Variants in NCKIPSD observed in about 807,000 individuals in gnomAD.
NCKIPSD encodes the protein NCK-interacting protein with SH3 domain.
NCKIPSD carries 48 observed loss-of-function variants against 73.4 expected under a neutral mutation model. The observed-to-expected ratio is 0.65, with a 90% CI of 0.52 to 0.83. The LOEUF (loss-of-function observed/expected upper bound fraction) is 0.83, where lower values mean the gene tolerates loss of function less well. Among genes scored for constraint, NCKIPSD ranks in the 40% least tolerant of loss-of-function variants. NCKIPSD has a pLI of 0.00. For missense variants in NCKIPSD, 884 were observed against 970.2 expected (o/e 0.91, Z 1.18); for synonymous variants, 422 against 403.6 (o/e 1.05, Z -0.54).
rs764823056 is a variant in NCKIPSD at position 48,682,115 on chromosome 3, T to A, written c.528A>T (p.Arg176=). The A allele has an allele frequency of 1.9e-6, 3 of 1,600,838 alleles. No individual in the cohort carries two copies. Among genetic ancestry groups the A allele is most frequent in the Non-Finnish European group, 2.5e-6 (3 of 1,179,750 alleles). Residue 176 remains arginine (R), a synonymous_variant, in exon 4 of 13, where the codon CGA becomes CGT. Transcript: ENST00000294129. ...PSSQIPPQPR[R]AAPTTPPPPV... is the part of the protein sequence containing the mutation. ...GTGGGGGCGGTGTGGTGGGTGCTGC[T>A]CGGCGAGGCTGTGGTGGGATCTGGG...
chr3:48,682,336 C>T lies in NCKIPSD; in HGVS notation c.486+12G>A, dbSNP rs1414298984. ...ACCCACCTCCCTTCTCCACGATGTCCTCCCCACACACCTGGTAGAGGCCTC... is the reference window on the plus strand; with the variant it reads ...ACCCACCTCCCTTCTCCACGATGTCTTCCCCACACACCTGGTAGAGGCCTC... On this transcript the variant is annotated intron_variant, in intron 3 of 12. Transcript: ENST00000294129. 2 of 1,613,628 alleles carry T rather than the reference C, an allele frequency of 1.2e-6. No homozygotes were observed. The highest frequency in any genetic ancestry group is 2.2e-5 in the East Asian group (1 of 44,842).
intron 11 of NCKIPSD, 35 bp downstream of exon 11, chr3:48,678,841 TG>T: frequency 3.1e-6 from 5 of 1,613,690 alleles, no homozygotes; most frequent in Non-Finnish European, 4.2e-6. Flanking sequence ...TCACAGGGCA[TG>T]GAAGTGGTAC....
In NCKIPSD at chr3:48,680,244, C is replaced by T. The variant is rs2077329233; in HGVS notation, c.1093-15G>A. On this transcript the variant is annotated splice_polypyrimidine_tract_variant and intron_variant, in intron 5 of 12. Coordinates refer to ENST00000294129, the MANE Select transcript of NCKIPSD (RefSeq NM_016453.4). ...ATGCTGAGGTCCTAGAGGGAGAGGGCAAGGCATGACTCAGCACACTCCCTG... is the reference window on the plus strand; with the variant it reads ...ATGCTGAGGTCCTAGAGGGAGAGGGTAAGGCATGACTCAGCACACTCCCTG... 4 of 1,594,216 alleles carry T rather than the reference C, an allele frequency of 2.5e-6. No individual in the cohort carries two copies. The highest frequency in any genetic ancestry group is 3.4e-6 in the Non-Finnish European group (4 of 1,168,338).
rs1201616057 is a variant in NCKIPSD, at chr3:48,685,698, G to A, written c.110C>T (p.Ala37Val). Residue 37 changes from alanine (A) to valine (V), a missense_variant, in exon 1 of 13, where the codon GCC (alanine) becomes GTC (valine). Transcript: ENST00000294129. ...LERSSAHWWL[A>V]ARARSGETGY... ...CGTCTCACCACTGCGCGCCCGCGCGGCCAGCCACCAGTGCGCGCTGCTTCG... is the reference window on the plus strand; with the variant it reads ...CGTCTCACCACTGCGCGCCCGCGCGACCAGCCACCAGTGCGCGCTGCTTCG... 1.6e-5 allele frequency: 25 copies of A among 1,526,630 alleles called. No homozygotes were observed. Among genetic ancestry groups the A allele is most frequent in the Non-Finnish European group, 1.9e-5 (22 of 1,143,072 alleles). The allele number at this position is 1,526,630 out of a possible 1,614,324, so 94.6% of individuals were successfully genotyped here.
At position 48,681,564 on chromosome 3, in the gene NCKIPSD, G is replaced by T. The variant is rs760636976; in HGVS notation, c.815C>A (p.Ala272Glu). The T allele has an allele frequency of 1.2e-6, 2 of 1,614,056 alleles. No homozygotes were observed. Among genetic ancestry groups the T allele is most frequent in the Non-Finnish European group, 1.7e-6 (2 of 1,180,038 alleles). The change falls in exon 5 of 13, where the codon GCA becomes GAA. Residue 272 changes from alanine to glutamate, a missense_variant. Ala to Glu is a moderately radical substitution (Grantham distance 107). Transcript: ENST00000294129. ...PSKASAPEPP[A>E]EEEVATGTTS... ...TGTACCAGTTGCCACTTCTTCTTCTGCAGGGGGTTCAGGTGCTGATGCCTT... is the reference window on the plus strand; with the variant it reads ...TGTACCAGTTGCCACTTCTTCTTCTTCAGGGGGTTCAGGTGCTGATGCCTT...
chr3:48,685,776 G>A lies in NCKIPSD; in HGVS notation c.32C>T (p.Ala11Val). The A allele has an allele frequency of 1.3e-6, 2 of 1,530,980 alleles. No individual in the cohort carries two copies. The highest frequency in any genetic ancestry group is 1.2e-5 in the South Asian group (1 of 83,182). The allele number at this position is 1,530,980 out of a possible 1,614,324, so 94.8% of individuals were successfully genotyped here. A position where few individuals can be genotyped will look rare whatever the true frequency, so the allele number is the denominator to read the frequency against. Residue 11 changes from alanine to valine, a missense_variant, in exon 1 of 13, where the codon GCG (alanine) becomes GTG (valine). Coordinates refer to ENST00000294129, the MANE Select transcript of NCKIPSD (RefSeq NM_016453.4). MYRALYAFRS[A>V]EPNALAFAAG... The stretch of plus-strand genomic sequence containing the variant: ...GGCGAACGCCAGCGCGTTGGGCTCC[G>A]CCGAGCGGAACGCGTACAGCGCGCG...
rs1321118483 is a variant in NCKIPSD, at chr3:48,680,331, T to G, written c.1093-102A>C. On this transcript the variant is annotated intron_variant, in intron 5 of 12. Coordinates refer to ENST00000294129, the MANE Select transcript of NCKIPSD (RefSeq NM_016453.4). The stretch of plus-strand genomic sequence containing the variant: ...AGTCCATCTGTGGACTTTTACTCCA[T>G]GAACTCAAGTCCCTCCTGGCCCACA... The G allele has an allele frequency of 2.3e-6, 3 of 1,305,650 alleles. No homozygotes were observed. The Admixed American group carries it at 8.7e-5, about 38-fold the overall frequency. The allele number at this position is 1,305,650 out of a possible 1,614,324, so 80.9% of individuals were successfully genotyped here.
intron 2 of NCKIPSD, 122 bp from the exon 3 acceptor site, chr3:48,682,674 G>T (rs1425239187): frequency 8.2e-7 from 1 of 1,217,912 alleles, no homozygotes; most frequent in Non-Finnish European, 1.2e-6. Context: ...TCTCCTCCAT[G>T]CTCCACCCCA....
Position 48,679,057 on chromosome 3 carries a change from G to A in NCKIPSD, c.1697C>T (p.Pro566Leu). 1 of 1,614,172 alleles carries A rather than the reference G, an allele frequency of 6.2e-7. No individual in the cohort carries two copies. Reference sequence around the variant, plus strand: ...CGCCCAGCCAGGCCCCACCCCACCTGGCAGGTGCAGGTTGAGAGCCAGAAG... The same window carrying A: ...CGCCCAGCCAGGCCCCACCCCACCTAGCAGGTGCAGGTTGAGAGCCAGAAG... ...NLLLALNLHL[P>L]AADQNVIMAA... Residue 566 changes from proline (P) to leucine (L), a missense_variant and splice_region_variant, in exon 10 of 13, where the codon CCA (proline) becomes CTA (leucine). Transcript: ENST00000294129.
rs2077219221 is a variant in NCKIPSD, at chr3:48,674,336, T to G, written c.*208A>C. 1 of 1,420,672 alleles carries G rather than the reference T, an allele frequency of 7.0e-7. No individual in the cohort carries two copies. The highest frequency in any genetic ancestry group is 2.9e-5 in the Admixed American group (1 of 34,792). The allele number at this position is 1,420,672 out of a possible 1,614,324, so 88.0% of individuals were successfully genotyped here. A position where few individuals can be genotyped will look rare whatever the true frequency, so the allele number is the denominator to read the frequency against. On this transcript the variant is annotated 3_prime_UTR_variant, in exon 13 of 13. Transcript: ENST00000294129. ...GTATAGAGGGGCTTTAGCTTGCATA[T>G]TCCCCCTGCCCCAGAACAGCTCCCA...
chr3:48,674,854 A>G (rs2077228310), intron 12 of NCKIPSD, 107 bp from the exon 13 acceptor site: 2 of 1,135,814 alleles, frequency 1.8e-6, no homozygotes, highest in Non-Finnish European at 2.5e-6. Flanking sequence ...GTGGACCTGA[A>G]CATCAGGGCT....
intron 2 of NCKIPSD, 108 bp from the exon 3 acceptor site, chr3:48,682,660 C>T: frequency 7.8e-7 from 1 of 1,283,200 alleles, no homozygotes; most frequent in Non-Finnish European, 1.1e-6. Context: ...CTCAGACATC[C>T]CCATCTCCTC....
At chr3:48,675,399 C>T (rs1023349980) in intron 12 of NCKIPSD, among the ~76,000 whole-genome samples, 2 of 151,232 alleles carry the variant, frequency 1.3e-5, no homozygotes, top group Non-Finnish European at 2.9e-5. Flanking sequence ...GGCCATCCTA[C>T]CTCCTACATA....
chr3:48,682,634 C>T, intron 2 of NCKIPSD, 82 bp from the exon 3 acceptor site: 1 of 1,488,764 alleles, frequency 6.7e-7, no homozygotes, highest in Non-Finnish European at 9.2e-7. Context: ...ATGCTGGGAC[C>T]CCATAGCCCA....
rs776924749 is a variant in NCKIPSD, at chr3:48,678,864, C to G, written c.1792+13G>C. The G allele has an allele frequency of 1.2e-6, 2 of 1,613,838 alleles. No individual in the cohort carries two copies. Among genetic ancestry groups the G allele is most frequent in the East Asian group, 2.2e-5 (1 of 44,878 alleles). On this transcript the variant is annotated intron_variant, in intron 11 of 12. Transcript: ENST00000294129. ...CATGGAAGTGGTACCCGCGCAGATT[C>G]CCGGGCCCTCACCCCCTCTGTTCAG...
intron 12 of NCKIPSD, among the ~76,000 whole-genome samples, chr3:48,678,007 C>T (rs541202318): frequency 6.6e-6 from 1 of 152,308 alleles, no homozygotes; most frequent in East Asian, 1.9e-4. Context: ...TATTTTCCCC[C>T]AAGAAGTTCT....
chr3:48,674,883 A>G (rs2077228621), intron 12 of NCKIPSD, 136 bp from the exon 13 acceptor site: 7 of 811,178 alleles, frequency 8.6e-6, no homozygotes, highest in Admixed American at 7.7e-5. Flanking sequence ...AGCACCCACA[A>G]TATACCTGGC....
At chr3:48,679,208 T>C (rs1445074932) in intron 9 of NCKIPSD, 25 bp from the exon 10 acceptor site, 1 of 1,612,742 alleles carries the variant, frequency 6.2e-7, no homozygotes, top group African/African-American at 1.3e-5. Context: ...CACAGAAGTC[T>C]GCAGCCCCAT....
In NCKIPSD at chr3:48,679,950, G is replaced by A. The variant is rs982066305; in HGVS notation, c.1264-63C>T. ...AGCGGAGCTGTGCAGCCGCACAAGA[G>A]AGGGCTGAGCACATATGTGTAGGGG... On this transcript the variant is annotated intron_variant, in intron 6 of 12. Coordinates refer to ENST00000294129, the MANE Select transcript of NCKIPSD (RefSeq NM_016453.4). 14 of 1,612,502 alleles carry A rather than the reference G, an allele frequency of 8.7e-6. No individual in the cohort carries two copies. The African/African-American group carries it at 1.6e-4, about 18-fold the overall frequency.
Sources: gnomAD v4.1 joint callset for allele counts (sites outside exome capture counted in the v4.1 genomes callset) on GRCh38, gnomAD v4.1.1 for gene constraint, MANE v1.5 for transcripts, NCBI Gene and HGNC (gene_info 2026-07-23, HGNC 2026-07-21) for gene names.